The following SEPTIN10 variants were observed in gnomAD, a reference collection of about 807,000 sequenced individuals.
SEPTIN10 encodes the protein septin-10.
In SEPTIN10, 66 loss-of-function variants were observed where a neutral mutation model predicts 54.8. The observed-to-expected ratio is 1.21, with a 90% CI of 0.99 to 1.48. The LOEUF (loss-of-function observed/expected upper bound fraction) is 1.48, where lower values mean the gene tolerates loss of function less well. SEPTIN10 is among the 40% of genes most tolerant of loss of function. The pLI, the probability that SEPTIN10 is intolerant of heterozygous loss-of-function variation, is 0.00. For missense variants in SEPTIN10, 620 were observed against 545.6 expected (o/e 1.14, Z -1.36); for synonymous variants, 161 against 181.0 (o/e 0.89, Z 0.89).
At chr2:109,562,047 C>T (rs530799541) in intron 8 of SEPTIN10, among the ~76,000 whole-genome samples, 2 of 151,912 alleles carry the variant, frequency 1.3e-5, no homozygotes, top group African/African-American at 4.8e-5. Context: ...CCTGTCTCTA[C>T]TACAAAAACA....
intron 8 of SEPTIN10, among the ~76,000 whole-genome samples, chr2:109,555,888 C>T (rs917264690): frequency 1.3e-5 from 2 of 152,180 alleles, no homozygotes; most frequent in South Asian, 2.1e-4. Flanking sequence ...CATCCTCCTT[C>T]GTTCAGTCCC....
chr2:109,606,760 A>ACCTC (rs770762585), intron 1 of SEPTIN10, among the ~76,000 whole-genome samples: 12 of 131,956 alleles, frequency 9.1e-5, no homozygotes, highest in South Asian at 2.4e-4. Flanking sequence ...GCTCACTGCA[A>ACCTC]CCTCCGTCTC....
At chr2:109,569,846 CG>C (rs1687941598) in intron 5 of SEPTIN10, among the ~76,000 whole-genome samples, 1 of 146,916 alleles carries the variant, frequency 6.8e-6, no homozygotes, top group East Asian at 2.0e-4. Context: ...TCACCAATGG[CG>C]TAAGAGAAGA....
At chr2:109,561,562 GC>G (rs1685661351) in intron 8 of SEPTIN10, among the ~76,000 whole-genome samples, 1 of 152,040 alleles carries the variant, frequency 6.6e-6, no homozygotes, top group Non-Finnish European at 1.5e-5. Context: ...AATTACTATG[GC>G]AGCCCTAACT....
chr2:109,609,703 C>G (rs1332044986), intron 1 of SEPTIN10, among the ~76,000 whole-genome samples: 1 of 150,476 alleles, frequency 6.6e-6, no homozygotes, highest in African/African-American at 2.4e-5. Flanking sequence ...CTCTTAGATA[C>G]GAAAATTATC....
chr2:109,606,497 T>C (rs1173204609), intron 1 of SEPTIN10, among the ~76,000 whole-genome samples: 1 of 152,110 alleles, frequency 6.6e-6, no homozygotes, highest in Non-Finnish European at 1.5e-5. Context: ...CTGGTAGCAT[T>C]CAATTACCAT....
intron 4 of SEPTIN10, among the ~76,000 whole-genome samples, chr2:109,584,497 A>AT (rs59711594): frequency 6.6e-6 from 1 of 150,766 alleles, no homozygotes; most frequent in Non-Finnish European, 1.5e-5. Flanking sequence ...AAAAAAAAAA[A>AT]TTGAAACACA....
At chr2:109,598,853 C>T (rs1394231062) in intron 1 of SEPTIN10, among the ~76,000 whole-genome samples, 1 of 151,488 alleles carries the variant, frequency 6.6e-6, no homozygotes, top group Non-Finnish European at 1.5e-5. Flanking sequence ...GCACTCCAGC[C>T]TGGGTGACAG....
intron 1 of SEPTIN10, among the ~76,000 whole-genome samples, chr2:109,606,136 G>T (rs1439716282): frequency 6.6e-6 from 1 of 152,210 alleles, no homozygotes; most frequent in Non-Finnish European, 1.5e-5. Flanking sequence ...GGTAACACAG[G>T]CCGGGTGCCG....
chr2:109,597,449 T>C (rs1383031731), intron 1 of SEPTIN10, among the ~76,000 whole-genome samples: 2 of 152,172 alleles, frequency 1.3e-5, no homozygotes, highest in Admixed American at 6.5e-5. Flanking sequence ...GTCTCAACAG[T>C]AGTAAGACAT....
At chr2:109,601,477 T>C (rs1696580382) in intron 1 of SEPTIN10, among the ~76,000 whole-genome samples, 1 of 152,256 alleles carries the variant, frequency 6.6e-6, no homozygotes, top group Non-Finnish European at 1.5e-5. Context: ...CATCTTAATT[T>C]AACTTCTAGT....
At chr2:109,606,320 C>CAGGAGA (rs141702827) in intron 1 of SEPTIN10, among the ~76,000 whole-genome samples, 22,472 of 152,044 alleles carry the variant, frequency 0.15, 2,188 homozygotes, top group Non-Finnish European at 0.22. Flanking sequence ...GAGGCTGAGG[C>CAGGAGA]AGGAGAATCG....
At chr2:109,553,843 G>A (rs1300947698) in intron 8 of SEPTIN10, among the ~76,000 whole-genome samples, 5 of 149,308 alleles carry the variant, frequency 3.3e-5, no homozygotes, top group Non-Finnish European at 4.4e-5. Context: ...GACACAGCAA[G>A]ACTCTGTCTC....
intron 2 of SEPTIN10, among the ~76,000 whole-genome samples, chr2:109,586,781 G>T (rs1160598165): frequency 3.3e-5 from 5 of 152,128 alleles, no homozygotes; most frequent in Admixed American, 6.6e-5. Context: ...AACCCTAGAT[G>T]GGCCACATTT....
intron 1 of SEPTIN10, among the ~76,000 whole-genome samples, chr2:109,600,552 AC>A (rs1318068511): frequency 3.3e-5 from 5 of 151,764 alleles, no homozygotes; most frequent in African/African-American, 1.2e-4. Context: ...AAAAAAAAAA[AC>A]CACAAACTGT....
Position 109,585,815 on chromosome 2 carries a change from C to T in SEPTIN10, c.123G>A (p.Leu41=), listed in dbSNP as rs768798518. Residue 41 remains leucine, a synonymous_variant, in exon 3 of 11, where the codon TTG becomes TTA. Transcript: ENST00000397712. ...EQIKRENIRS[L]TMSGHVGFES... ...CAAAACCAACATGGCCAGACATAGT[C>T]AACGAACGAATGTTTTCTCTTTTCT... is the stretch of plus-strand genomic sequence containing the variant. The T allele has an allele frequency of 1.9e-6, 3 of 1,607,744 alleles. No homozygotes were observed. In the African/African-American group the frequency reaches 4.0e-5, roughly 22 times the overall value.
chr2:109,575,002 A>G (rs1440756526), intron 4 of SEPTIN10, among the ~76,000 whole-genome samples: 2 of 152,244 alleles, frequency 1.3e-5, no homozygotes, highest in Non-Finnish European at 1.5e-5. Context: ...TAAGTTGAAA[A>G]TATTAGCTGA....
At chr2:109,552,912 T>C (rs1683348696) in intron 9 of SEPTIN10, 175 bp downstream of exon 9, 1 of 709,408 alleles carries the variant, frequency 1.4e-6, no homozygotes, top group African/African-American at 1.8e-5. Flanking sequence ...AAAGTTTTCA[T>C]TTAATTTCAG....
At chr2:109,590,263 C>T (rs1693716447) in intron 2 of SEPTIN10, among the ~76,000 whole-genome samples, 1 of 151,934 alleles carries the variant, frequency 6.6e-6, no homozygotes, top group African/African-American at 2.4e-5. Flanking sequence ...TGGTCGCTAA[C>T]ACCGATGCCC....
Sources: allele counts gnomAD v4.1 joint callset (sites outside exome capture counted in the v4.1 genomes callset), GRCh38; gene constraint gnomAD v4.1.1; transcripts MANE v1.5; gene names NCBI Gene and HGNC (gene_info 2026-07-23, HGNC 2026-07-21).